The following PRH1 variants were observed in gnomAD, a reference collection of about 807,000 sequenced individuals.
PRH1 encodes proline rich protein HaeIII subfamily 1, also known as salivary acidic proline-rich phosphoprotein 1/2.
A neutral mutation model predicts 7.9 loss-of-function variants in PRH1; 7 were observed. That is an observed-to-expected ratio of 0.89 (90% confidence interval 0.50 to 1.67). The LOEUF (loss-of-function observed/expected upper bound fraction) is 1.67, where lower values mean the gene tolerates loss of function less well. Among genes scored for constraint, PRH1 ranks in the 40% most tolerant of loss-of-function variants. PRH1 has a pLI of 0.00. For missense variants in PRH1, 109 were observed against 223.6 expected (o/e 0.49, Z 3.27); for synonymous variants, 45 against 80.8 (o/e 0.56, Z 2.38).
intron 2 of PRH1, among the ~76,000 whole-genome samples, chr12:10,925,808 G>A (rs1405147880): frequency 1.3e-5 from 2 of 152,248 alleles, no homozygotes; most frequent in East Asian, 1.9e-4. Flanking sequence ...TAAATGAATA[G>A]CAAGTGAGTA....
At chr12:11,133,126 C>CAG (rs1445846479) in intron 1 of PRH1, 1 of 833,264 alleles carries the variant, frequency 1.2e-6, no homozygotes, top group African/African-American at 1.7e-5. Context: ...TTCATACACA[C>CAG]ACACACACAC....
At chr12:11,073,342 C>T (rs1209066870) in intron 1 of PRH1, among the ~76,000 whole-genome samples, 1 of 118,066 alleles carries the variant, frequency 8.5e-6, no homozygotes, top group African/African-American at 2.9e-5. Context: ...CCATGTTAGC[C>T]AGGCTGGTCT....
chr12:10,997,282 T>G (rs772527915), intron 1 of PRH1: 1 of 1,613,956 alleles, frequency 6.2e-7, no homozygotes, highest in Admixed American at 1.7e-5. Context: ...GAGAGTAGAT[T>G]AACAGCAGAA....
At chr12:11,061,784 C>A in intron 1 of PRH1, 2 of 1,614,130 alleles carry the variant, frequency 1.2e-6, no homozygotes, top group Non-Finnish European at 1.7e-6. Flanking sequence ...AGGTACATTG[C>A]ACTCCTCAGT....
chr12:10,996,891 C>T lies in PRH1; in HGVS notation c.-125-23170G>A, dbSNP rs529878019. ...AACTTGTGGGAAATATAAAATGTTCCAGACACCATCAATTTGTTTTCTGCT... is the reference window on the plus strand; with the variant it reads ...AACTTGTGGGAAATATAAAATGTTCTAGACACCATCAATTTGTTTTCTGCT... On this transcript the variant is annotated intron_variant, in intron 1 of 3. Coordinates refer to the PRH1 transcript ENST00000539853. 165 of 1,486,730 alleles carry T rather than the reference C, an allele frequency of 1.1e-4. No homozygotes were observed. In the Middle Eastern group the frequency reaches 1.4e-3, roughly 13 times the overall value. The allele number at this position is 1,486,730 out of a possible 1,614,324, so 92.1% of individuals were successfully genotyped here.
intron 1 of PRH1, chr12:11,133,717 A>T: frequency 6.2e-7 from 1 of 1,614,182 alleles, no homozygotes; most frequent in Middle Eastern, 1.6e-4. Context: ...TTAGAGTCAT[A>T]TTTGAATGGT....
intron 1 of PRH1, among the ~76,000 whole-genome samples, chr12:11,147,876 G>A (rs920337716): frequency 2.0e-5 from 3 of 151,764 alleles, no homozygotes; most frequent in Non-Finnish European, 4.4e-5. Flanking sequence ...ATTACCTTGG[G>A]CAGTATGGCC....
chr12:11,093,913 A>C (rs1027600496), intron 1 of PRH1, among the ~76,000 whole-genome samples: 1 of 114,474 alleles, frequency 8.7e-6, no homozygotes, highest in Non-Finnish European at 2.1e-5. Context: ...GAAGAATGAG[A>C]AACTATTGAA....
intron 1 of PRH1, among the ~76,000 whole-genome samples, chr12:11,165,652 G>GTATATCCTGAGA (rs2136465684): frequency 6.6e-6 from 1 of 151,728 alleles, no homozygotes; most frequent in Admixed American, 6.6e-5. Context: ...CATATTTACA[G>GTATATCCTGAGA]TAAATCCTGA....
At chr12:11,025,745 T>G (rs1941879338) in intron 1 of PRH1, among the ~76,000 whole-genome samples, 1 of 152,298 alleles carries the variant, frequency 6.6e-6, no homozygotes, top group South Asian at 2.1e-4. Flanking sequence ...TGCTTCATTC[T>G]GTGTAGCTAT....
At chr12:10,939,634 A>C (rs1218295672) in intron 2 of PRH1, among the ~76,000 whole-genome samples, 1 of 147,398 alleles carries the variant, frequency 6.8e-6, no homozygotes, top group Non-Finnish European at 1.5e-5. Flanking sequence ...AAAAATTGGT[A>C]TATGAAACTT....
At chr12:11,047,276 C>T (rs1591884475), upstream of PRH1, 1 of 280,216 alleles carries the variant, frequency 3.6e-6, no homozygotes, top group African/African-American at 2.2e-5. Flanking sequence ...ATGATTAATA[C>T]ATTTCCTATC....
intron 1 of PRH1, among the ~76,000 whole-genome samples, chr12:11,032,127 G>A (rs1032334098): frequency 2.0e-5 from 3 of 152,132 alleles, no homozygotes; most frequent in Non-Finnish European, 2.9e-5. Context: ...TGAAATTGAC[G>A]TGAAACCTGA....
At chr12:11,009,511 A>G (rs1940975425) in intron 1 of PRH1, among the ~76,000 whole-genome samples, 2 of 151,964 alleles carry the variant, frequency 1.3e-5, no homozygotes, top group Non-Finnish European at 2.9e-5. Flanking sequence ...GAACTCCAGA[A>G]GTATGTTAGA....
chr12:10,918,033 T>C (rs1193888310), intron 2 of PRH1, among the ~76,000 whole-genome samples: 1 of 152,214 alleles, frequency 6.6e-6, no homozygotes, highest in Non-Finnish European at 1.5e-5. Flanking sequence ...TTCAATATTA[T>C]GCAGCCTTAA....
chr12:10,935,483 C>T (rs1019764364), intron 2 of PRH1, among the ~76,000 whole-genome samples: 12 of 152,286 alleles, frequency 7.9e-5, no homozygotes, highest in East Asian at 7.7e-4. Context: ...TCCCACACAG[C>T]AGCCTCTTTG....
At chr12:11,150,473 T>C (rs891671090) in intron 1 of PRH1, among the ~76,000 whole-genome samples, 3 of 152,086 alleles carry the variant, frequency 2.0e-5, no homozygotes, top group African/African-American at 4.8e-5. Context: ...ATATACACCA[T>C]GGAATACTAA....
rs796505180 is a variant in PRH1 at position 11,076,111 on chromosome 12, C to T, written n.124-28923G>A. On this transcript the variant is annotated intron_variant and non_coding_transcript_variant, in intron 1 of 4. Coordinates refer to the PRH1 transcript ENST00000541977. ...ATATATATATCAGATGAGGAGTTGACTTATTTTAAGTTTTACATAACAATG... is the reference window on the plus strand; with the variant it reads ...ATATATATATCAGATGAGGAGTTGATTTATTTTAAGTTTTACATAACAATG... 4.7e-3 allele frequency among the ~76,000 whole-genome samples: 270 copies of T among 57,516 alleles called. 6 individuals are homozygous for T. The highest frequency in any genetic ancestry group is 8.2e-3 in the Non-Finnish European group (168 of 20,604). The allele number at this position is 57,516 out of a possible 152,430, so 37.7% of individuals were successfully genotyped here.
chr12:11,097,968 CT>C (rs1264688726), intron 1 of PRH1, among the ~76,000 whole-genome samples: 2 of 89,904 alleles, frequency 2.2e-5, no homozygotes, highest in East Asian at 5.5e-4. Flanking sequence ...GATTTATTTG[CT>C]TTTTTTTCTT....
Sources: allele counts gnomAD v4.1 joint callset (sites outside exome capture counted in the v4.1 genomes callset), GRCh38; gene constraint gnomAD v4.1.1; transcripts MANE v1.5; gene names NCBI Gene and HGNC (gene_info 2026-07-23, HGNC 2026-07-21).